The following BAIAP2 variants were observed in gnomAD, a reference collection of about 807,000 sequenced individuals.
The protein encoded by BAIAP2 is BAR/IMD domain-containing adapter protein 2.
Under a neutral mutation model 63.0 loss-of-function variants are expected in BAIAP2, and 18 were observed. The ratio of observed to expected loss-of-function variants is 0.29; its 90% CI spans 0.20 to 0.42. The LOEUF (loss-of-function observed/expected upper bound fraction) is 0.42, where lower values mean the gene tolerates loss of function less well. Among genes scored for constraint, BAIAP2 ranks in the 10% least tolerant of loss-of-function variants. BAIAP2 has a pLI of 1.00. For synonymous variants in BAIAP2, 386 were observed against 307.6 expected, an observed-to-expected ratio of 1.25 and a Z score of -2.67; for missense variants, 610 against 734.3, an observed-to-expected ratio of 0.83 and a Z score of 1.96.
chr17:81,096,173 G>C (rs1242171677), intron 6 of BAIAP2, among the ~76,000 whole-genome samples: 1 of 152,144 alleles, frequency 6.6e-6, no homozygotes, highest in East Asian at 1.9e-4. Flanking sequence ...GCTCTGGGCA[G>C]CCCCCTGGGC....
At chr17:81,094,898 T>TG (rs2057372480) in intron 6 of BAIAP2, among the ~76,000 whole-genome samples, 1 of 152,198 alleles carries the variant, frequency 6.6e-6, no homozygotes, top group Non-Finnish European at 1.5e-5. Flanking sequence ...GCAGGGGACC[T>TG]GGGGGGTTAA....
chr17:81,041,833 A>G (rs763344495), intron 1 of BAIAP2, among the ~76,000 whole-genome samples: 1 of 152,218 alleles, frequency 6.6e-6, no homozygotes, highest in Non-Finnish European at 1.5e-5. Flanking sequence ...CGGGCTCCCA[A>G]AGTGCTGGGA....
chr17:81,104,322 G>A (rs1292808573), intron 9 of BAIAP2, among the ~76,000 whole-genome samples, 192 bp from the exon 10 acceptor site: 1 of 152,232 alleles, frequency 6.6e-6, no homozygotes, highest in Non-Finnish European at 1.5e-5. Flanking sequence ...GGGCATGAGT[G>A]GGGTACAGGG....
intron 6 of BAIAP2, among the ~76,000 whole-genome samples, chr17:81,090,757 G>A (rs1250031399): frequency 2.7e-5 from 4 of 148,902 alleles, no homozygotes; most frequent in South Asian, 2.1e-4. Context: ...GGGAGGCTGC[G>A]GCCACCATCC....
At chr17:81,101,516 A>G (rs770594570) in intron 7 of BAIAP2, among the ~76,000 whole-genome samples, 4 of 152,206 alleles carry the variant, frequency 2.6e-5, no homozygotes, top group Non-Finnish European at 1.5e-5. Context: ...TCCGGAGCCA[A>G]GCCCACCAGG....
rs2049872248 is a variant in BAIAP2, at chr17:81,057,973, A to ACACCCCCCCCCCCCC, written c.217+7_217+8insACCCCCCCCCCCCCC. Reference sequence around the variant, plus strand: ...CCAGGGCTCCAAAGAACTCGGTGAGACCCCCCCCCCCCCCCCGCCTGGTAG... The same window carrying ACACCCCCCCCCCCCC: ...CCAGGGCTCCAAAGAACTCGGTGAGACACCCCCCCCCCCCCCCCCCCCCCCCCCCCCGCCTGGTAG... On this transcript the variant is annotated splice_region_variant and intron_variant, in intron 3 of 13. Transcript: ENST00000428708. 2.6e-6 allele frequency: 2 copies of ACACCCCCCCCCCCCC among 765,814 alleles called. No homozygotes were observed. The highest frequency in any genetic ancestry group is 3.4e-6 in the Non-Finnish European group (2 of 586,984). 47.4% of individuals were successfully genotyped at this position (765,814 alleles called of 1,614,324 possible).
At position 81,116,827 on chromosome 17, in the gene BAIAP2, A is replaced by G. The variant is rs2146260778; in HGVS notation, c.*988A>G. On this transcript the variant is annotated 3_prime_UTR_variant, in exon 14 of 14. Transcript: ENST00000428708. The stretch of plus-strand genomic sequence containing the variant: ...CTGGCTGGGGAGGTGTCTCCAGCAG[A>G]GCTCACTCCCGCCTACAGCCACTCA... 1 of 157,180 alleles carries G rather than the reference A, an allele frequency of 6.4e-6. No homozygotes were observed. The highest frequency in any genetic ancestry group is 2.4e-5 in the African/African-American group (1 of 41,704). 9.7% of individuals were successfully genotyped at this position (157,180 alleles called of 1,614,324 possible).
chr17:81,088,891 G>A (rs1037398971), intron 6 of BAIAP2, among the ~76,000 whole-genome samples: 7 of 152,190 alleles, frequency 4.6e-5, no homozygotes, highest in African/African-American at 9.7e-5. Context: ...GGGGGCTGTC[G>A]GAGCCACTCC....
chr17:81,110,056 T>C lies in BAIAP2; in HGVS notation c.1535+1547T>C, dbSNP rs2059718648. On this transcript the variant is annotated intron_variant, in intron 13 of 13. Transcript: ENST00000428708. ...ACAGTGGACTCAGTGGCTACTGGTA[T>C]TGTCTCTTCCCACACTGAACTCTGG... The C allele has an allele frequency of 5.1e-6, 5 of 985,488 alleles. No individual in the cohort carries two copies. In the South Asian group the frequency reaches 2.3e-4, roughly 46 times the overall value. The allele number at this position is 985,488 out of a possible 1,614,324, so 61.0% of individuals were successfully genotyped here.
intron 13 of BAIAP2, chr17:81,109,760 C>T (rs894474500): frequency 5.1e-6 from 5 of 985,344 alleles, no homozygotes; most frequent in South Asian, 4.7e-5. Context: ...CGGGGGCAGG[C>T]GCTGCCCAGC....
chr17:81,073,294 G>T (rs2053033044), intron 3 of BAIAP2, among the ~76,000 whole-genome samples: 3 of 152,060 alleles, frequency 2.0e-5, no homozygotes, highest in Admixed American at 2.0e-4. Flanking sequence ...TTACCACCTG[G>T]GGTGCCTTTC....
At chr17:81,035,546 C>G (rs1485804931) in intron 1 of BAIAP2, among the ~76,000 whole-genome samples, 1 of 149,508 alleles carries the variant, frequency 6.7e-6, no homozygotes, top group African/African-American at 2.4e-5. Flanking sequence ...ATGCGCGCCG[C>G]GGCCCGGTCA....
chr17:81,055,409 C>G (rs942881111), intron 2 of BAIAP2, among the ~76,000 whole-genome samples: 1 of 151,948 alleles, frequency 6.6e-6, no homozygotes, highest in African/African-American at 2.4e-5. Flanking sequence ...TGTTTGCACC[C>G]GGCACCCTGC....
Position 81,035,250 on chromosome 17 carries a change from G to C in BAIAP2, c.-5G>C. The stretch of plus-strand genomic sequence containing the variant: ...CGGTCTGTGGTGCAGCCGGGACCCA[G>C]GACCATGTCTCTGTCTCGCTCAGAG... On this transcript the variant is annotated 5_prime_UTR_variant, in exon 1 of 14. Transcript: ENST00000428708. The C allele has an allele frequency of 6.6e-7, 1 of 1,520,366 alleles. No homozygotes were observed. The highest frequency in any genetic ancestry group is 1.2e-5 in the South Asian group (1 of 81,280). The allele number at this position is 1,520,366 out of a possible 1,614,324, so 94.2% of individuals were successfully genotyped here.
rs1038568299 is a variant in BAIAP2, at chr17:81,116,881, G to C, written c.*1042G>C. The C allele has an allele frequency of 6.4e-6, 1 of 155,166 alleles. No individual in the cohort carries two copies. The highest frequency in any genetic ancestry group is 1.4e-5 in the Non-Finnish European group (1 of 69,684). 9.6% of individuals were successfully genotyped at this position (155,166 alleles called of 1,614,324 possible). A position where few individuals can be genotyped will look rare whatever the true frequency, so the allele number is the denominator to read the frequency against. ...CCCGGGGACAGGAAGCTGTAGAGTTGGCGGGCCAGGAGGGCAGTTGAGAGC... is the reference window on the plus strand; with the variant it reads ...CCCGGGGACAGGAAGCTGTAGAGTTCGCGGGCCAGGAGGGCAGTTGAGAGC... On this transcript the variant is annotated 3_prime_UTR_variant, in exon 14 of 14. Coordinates refer to ENST00000428708, the MANE Select transcript of BAIAP2 (RefSeq NM_001144888.2).
chr17:81,061,051 G>A (rs745712244), intron 3 of BAIAP2, among the ~76,000 whole-genome samples: 1 of 152,242 alleles, frequency 6.6e-6, no homozygotes, highest in African/African-American at 2.4e-5. Flanking sequence ...TTGAACCTGG[G>A]AGGCGGAGGT....
chr17:81,068,724 G>A (rs991899791), intron 3 of BAIAP2, among the ~76,000 whole-genome samples: 1 of 152,162 alleles, frequency 6.6e-6, no homozygotes, highest in Non-Finnish European at 1.5e-5. Flanking sequence ...TGGCTCCTTG[G>A]TTGTGACATG....
chr17:81,082,515 G>A (rs2054814253), intron 3 of BAIAP2, among the ~76,000 whole-genome samples: 1 of 152,232 alleles, frequency 6.6e-6, no homozygotes, highest in Non-Finnish European at 1.5e-5. Context: ...CTGCCCTGCG[G>A]TGGATGGGAT....
chr17:81,041,505 C>T (rs991170165), intron 1 of BAIAP2, among the ~76,000 whole-genome samples: 1 of 152,196 alleles, frequency 6.6e-6, no homozygotes, highest in Non-Finnish European at 1.5e-5. Flanking sequence ...TTTATACTTA[C>T]TGGAACAGTT....
Sources: gnomAD v4.1 joint callset for allele counts (sites outside exome capture counted in the v4.1 genomes callset) on GRCh38, gnomAD v4.1.1 for gene constraint, MANE v1.5 for transcripts, NCBI Gene and HGNC (gene_info 2026-07-23, HGNC 2026-07-21) for gene names.